DOCK2: variants seen among roughly 807,000 people sequenced by gnomAD.
DOCK2 encodes dedicator of cytokinesis 2, also known as dedicator of cytokinesis protein 2.
A neutral mutation model predicts 248.9 loss-of-function variants in DOCK2; 87 were observed. The ratio of observed to expected loss-of-function variants is 0.35; its 90% CI spans 0.29 to 0.42. The LOEUF (loss-of-function observed/expected upper bound fraction) is 0.42. Ranked by LOEUF, DOCK2 falls within the 10% of genes least tolerant of loss-of-function variation. DOCK2 has a pLI of 1.00. For missense variants in DOCK2, 1,747 were observed against 2,300.2 expected (o/e 0.76, Z 4.92); for synonymous variants, 805 against 821.6 (o/e 0.98, Z 0.35).
intron 38 of DOCK2, among the ~76,000 whole-genome samples, chr5:170,044,815 C>A (rs1756643323): frequency 2.0e-5 from 3 of 152,300 alleles, no homozygotes; most frequent in Middle Eastern, 3.4e-3. Flanking sequence ...TCCCCTCTCT[C>A]CTCCTCCTAC....
In DOCK2 at chr5:169,801,812, C is replaced by CTT. The variant is rs11298132; in HGVS notation, c.2555-1232_2555-1231dup. Among the ~76,000 whole-genome samples the CTT allele has an allele frequency of 7.2e-3, 1,030 of 142,422 alleles. 14 individuals carry two copies. The highest frequency in any genetic ancestry group is 0.025 in the African/African-American group (975 of 38,456). 93.4% of individuals were successfully genotyped at this position (142,422 alleles called of 152,430 possible). On this transcript the variant is annotated intron_variant, in intron 25 of 51. Transcript: ENST00000520908. ...TTTCTGCCATTGTTCATTGGTTTTG[C>CTT]TTTTTTTTTTTTTTTCCTGTAATCA...
At chr5:169,966,940 C>T (rs1385963615) in intron 27 of DOCK2, among the ~76,000 whole-genome samples, 1 of 152,248 alleles carries the variant, frequency 6.6e-6, no homozygotes, top group East Asian at 1.9e-4. Flanking sequence ...CTTAAATTAA[C>T]ACATGCTATG....
chr5:169,903,313 A>G (rs1467082428), intron 27 of DOCK2, among the ~76,000 whole-genome samples: 1 of 57,724 alleles, frequency 1.7e-5, no homozygotes, highest in Non-Finnish European at 4.6e-5. Context: ...AACAACAATA[A>G]AAAAAAAAAA....
intron 25 of DOCK2, among the ~76,000 whole-genome samples, chr5:169,796,938 C>A (rs1481326938): frequency 1.3e-5 from 2 of 152,120 alleles, no homozygotes; most frequent in African/African-American, 4.8e-5. Flanking sequence ...TCCAGCCATG[C>A]CAGAGAGTTG....
At chr5:169,671,932 T>A (rs1260156665) in intron 5 of DOCK2, among the ~76,000 whole-genome samples, 1 of 152,342 alleles carries the variant, frequency 6.6e-6, no homozygotes, top group East Asian at 1.9e-4. Flanking sequence ...TAGAAAAGTG[T>A]AGGGGAAAAA....
At chr5:169,680,272 G>T (rs1759586317) in intron 6 of DOCK2, among the ~76,000 whole-genome samples, 1 of 152,192 alleles carries the variant, frequency 6.6e-6, no homozygotes, top group Non-Finnish European at 1.5e-5. Flanking sequence ...GTTGTTATGA[G>T]AATTAAATGG....
At position 169,764,281 on chromosome 5, in the gene DOCK2, C is replaced by T. The variant is rs538995173; in HGVS notation, c.2554+2656C>T. On this transcript the variant is annotated intron_variant, in intron 25 of 51. Coordinates refer to ENST00000520908, the MANE Select transcript of DOCK2 (RefSeq NM_004946.3). The surrounding 1 kb of genome is among the most constrained non-coding windows in gnomAD (Gnocchi z 4.3). ...CTTGAACATTTGTATTGACATTAAG[C>T]GGAGGGACCAGAAGGCTTTTAAGCA... is the stretch of plus-strand genomic sequence containing the variant. Among the ~76,000 whole-genome samples, 6 of 152,054 alleles carry T rather than the reference C, an allele frequency of 3.9e-5. No individual in the cohort carries two copies. The highest frequency in any genetic ancestry group is 7.2e-5 in the African/African-American group (3 of 41,394).
chr5:169,836,751 T>C (rs1378012297), intron 26 of DOCK2, among the ~76,000 whole-genome samples: 1 of 152,076 alleles, frequency 6.6e-6, no homozygotes, highest in Non-Finnish European at 1.5e-5. Flanking sequence ...AAGGTGTTTT[T>C]ACAAGAACTA....
intron 34 of DOCK2, among the ~76,000 whole-genome samples, chr5:170,029,550 A>G (rs1756050116): frequency 6.6e-6 from 1 of 152,196 alleles, no homozygotes; most frequent in African/African-American, 2.4e-5. Context: ...ATAATTATAA[A>G]GCATCTGGCA....
intron 27 of DOCK2, among the ~76,000 whole-genome samples, chr5:169,895,573 C>T (rs141147678): frequency 7.9e-5 from 12 of 152,182 alleles, no homozygotes; most frequent in African/African-American, 2.6e-4. Flanking sequence ...AAAGCTCCTT[C>T]GGTGCCCCAT....
chr5:169,996,614 C>CTTCCT lies in DOCK2; in HGVS notation c.3072+451_3072+452insTCCTT, dbSNP rs752772320. ...AGTGCTCAGCCAATAACTGGGACCT[C>CTTCCT]TAAGAGATTCAGGGTCCTAAAAGTA... On this transcript the variant is annotated intron_variant, in intron 30 of 51. Transcript: ENST00000520908. Among the ~76,000 whole-genome samples the CTTCCT allele has an allele frequency of 1.4e-4, 21 of 152,268 alleles. No homozygotes were observed. The East Asian group carries it at 3.7e-3, about 27-fold the overall frequency.
chr5:169,941,591 G>T (rs1003827619), intron 27 of DOCK2, among the ~76,000 whole-genome samples: 1 of 152,214 alleles, frequency 6.6e-6, no homozygotes, highest in African/African-American at 2.4e-5. Flanking sequence ...ACCAAATCTG[G>T]CAGAACTTTG....
chr5:169,766,243 C>A (rs1436044874), intron 25 of DOCK2, among the ~76,000 whole-genome samples: 1 of 152,076 alleles, frequency 6.6e-6, no homozygotes, highest in Non-Finnish European at 1.5e-5. Context: ...CTCAAGCAGG[C>A]CCCAGTGTCT....
intron 26 of DOCK2, among the ~76,000 whole-genome samples, chr5:169,821,397 G>A (rs1160680864): frequency 6.6e-6 from 1 of 152,182 alleles, no homozygotes; most frequent in Non-Finnish European, 1.5e-5. Flanking sequence ...ACAAAGGGAA[G>A]CCCATCAGAC....
At chr5:169,661,886 C>T (rs944647233) in intron 2 of DOCK2, among the ~76,000 whole-genome samples, 3 of 152,062 alleles carry the variant, frequency 2.0e-5, no homozygotes, top group Non-Finnish European at 2.9e-5. Flanking sequence ...GGGTTGTTTC[C>T]GTATCTTGGC....
At chr5:169,697,417 A>G (rs1348208785) in intron 10 of DOCK2, among the ~76,000 whole-genome samples, 1 of 152,212 alleles carries the variant, frequency 6.6e-6, no homozygotes, top group African/African-American at 2.4e-5. Flanking sequence ...CCTCTTTCCC[A>G]TTAGTTTCAG....
chr5:169,834,733 C>T (rs983386470), intron 26 of DOCK2, among the ~76,000 whole-genome samples: 1 of 152,220 alleles, frequency 6.6e-6, no homozygotes, highest in Non-Finnish European at 1.5e-5. Context: ...AGCTCACAGA[C>T]CACAAGCCCT....
chr5:169,862,604 C>T (rs1008723323), intron 27 of DOCK2, among the ~76,000 whole-genome samples: 15 of 152,160 alleles, frequency 9.9e-5, no homozygotes, highest in Admixed American at 7.2e-4. Flanking sequence ...TCTAACATGA[C>T]GTTATATATT....
Position 170,082,995 on chromosome 5 carries a change from G to A in DOCK2, c.*137G>A. On this transcript the variant is annotated 3_prime_UTR_variant, in exon 52 of 52. Coordinates refer to ENST00000520908, the MANE Select transcript of DOCK2 (RefSeq NM_004946.3). ...TGTCCTTACTTAGAGGAGACAGAGAGGCCAATCAGGTCCCAGAGCTTGAAT... is the reference window on the plus strand; with the variant it reads ...TGTCCTTACTTAGAGGAGACAGAGAAGCCAATCAGGTCCCAGAGCTTGAAT... 9.3e-7 allele frequency: 1 copy of A among 1,078,440 alleles called. No individual in the cohort carries two copies. The highest frequency in any genetic ancestry group is 1.4e-6 in the Non-Finnish European group (1 of 737,674). The allele number at this position is 1,078,440 out of a possible 1,614,324, so 66.8% of individuals were successfully genotyped here.
Sources: allele counts gnomAD v4.1 joint callset (sites outside exome capture counted in the v4.1 genomes callset), GRCh38; gene constraint gnomAD v4.1.1; non-coding constraint Gnocchi (gnomAD v3.1); transcripts MANE v1.5; gene names NCBI Gene and HGNC (gene_info 2026-07-23, HGNC 2026-07-21).